The following SHF variants were observed in gnomAD, a reference collection of about 807,000 sequenced individuals.
SHF encodes the protein SH2 domain-containing adapter protein F.
A neutral mutation model predicts 42.4 loss-of-function variants in SHF; 30 were observed. The observed-to-expected ratio is 0.71, with a 90% CI of 0.53 to 0.96. The LOEUF (loss-of-function observed/expected upper bound fraction) is 0.96. SHF is among the 40% of genes least tolerant of loss of function. The pLI, the probability that SHF is intolerant of heterozygous loss-of-function variation, is 0.00. For missense variants in SHF, 598 were observed against 634.0 expected (o/e 0.94, Z 0.61); for synonymous variants, 264 against 269.9 (o/e 0.98, Z 0.21).
chr15:45,187,913 C>A lies in SHF; in HGVS notation c.39G>T (p.Pro13=). The A allele has an allele frequency of 8.7e-7, 1 of 1,155,126 alleles. No homozygotes were observed. The highest frequency in any genetic ancestry group is 1.1e-6 in the Non-Finnish European group (1 of 939,408). The allele number at this position is 1,155,126 out of a possible 1,614,324, so 71.6% of individuals were successfully genotyped here. Residue 13 remains proline (P), a synonymous_variant, in exon 1 of 7, where the codon CCG becomes CCT. Coordinates refer to ENST00000690270, the MANE Select transcript of SHF (RefSeq NM_001394037.1). ...LSGAPPAGSR[P]GPRTQGSAGG... ...CAGCGCTCCCCTGCGTTCGCGGCCC[C>A]GGGCGGGAGCCAGCCGGAGGAGCTC...
chr15:45,199,413 T>C (rs999009152), intron 1 of SHF, among the ~76,000 whole-genome samples: 1 of 152,224 alleles, frequency 6.6e-6, no homozygotes, highest in Admixed American at 6.5e-5. Context: ...GAAGGTGCCA[T>C]TGGCATTTAA....
At position 45,198,705 on chromosome 15, in the gene SHF, C is replaced by T. The variant is rs998080170; in HGVS notation, c.303+67G>A. 38 of 1,536,854 alleles carry T rather than the reference C, an allele frequency of 2.5e-5. 2 individuals are homozygous for T. The highest frequency in any genetic ancestry group is 2.4e-4 in the South Asian group (19 of 80,324). ...GCTACCGGGGACCCGTAGGGGTTGGCTTCTGATTATCCTCTTCAACAGTCA... is the reference window on the plus strand; with the variant it reads ...GCTACCGGGGACCCGTAGGGGTTGGTTTCTGATTATCCTCTTCAACAGTCA... On this transcript the variant is annotated intron_variant, in intron 2 of 7. Transcript: ENST00000290894.
chr15:45,185,218 A>G (rs1350331950), intron 1 of SHF, among the ~76,000 whole-genome samples: 1 of 152,254 alleles, frequency 6.6e-6, no homozygotes, highest in Admixed American at 6.5e-5. Flanking sequence ...ATCACATGTC[A>G]GGAGGAGACC....
intron 2 of SHF, chr15:45,198,523 G>A (rs930100209): frequency 1.9e-5 from 9 of 466,316 alleles, no homozygotes; most frequent in Non-Finnish European, 3.0e-5. Flanking sequence ...TTCGTTTCAA[G>A]AAAGTGAATT....
Position 45,172,132 on chromosome 15 carries a change from GAC to G in SHF, c.1160+13_1160+14del, listed in dbSNP as rs758815137. 1 of 1,613,888 alleles carries G rather than the reference GAC, an allele frequency of 6.2e-7. No homozygotes were observed. Among genetic ancestry groups the G allele is most frequent in the South Asian group, 1.1e-5 (1 of 91,072 alleles). ...GGAGTGGGGAGGGAGTCCCCAGCTG[GAC>G]ACAGACACTCACACCTGGTTTTCCA... On this transcript the variant is annotated intron_variant, in intron 5 of 6. Transcript: ENST00000690270.
chr15:45,187,703 C>T lies in SHF; in HGVS notation c.249G>A (p.Pro83=). 8.5e-7 allele frequency: 1 copy of T among 1,174,792 alleles called. No individual in the cohort carries two copies. Among genetic ancestry groups the T allele is most frequent in the Non-Finnish European group, 1.1e-6 (1 of 939,986 alleles). The allele number at this position is 1,174,792 out of a possible 1,614,324, so 72.8% of individuals were successfully genotyped here. A position where few individuals can be genotyped will look rare whatever the true frequency, so the allele number is the denominator to read the frequency against. ...EPDYRPPAPS[P]AAPPAPPPDI... ...CCGGGGGCGGCGCGGGGGGCGCGGC[C>T]GGAGAGGGCGCAGGGGGGCGGTAGT... is the stretch of plus-strand genomic sequence containing the variant. Residue 83 remains proline, a synonymous_variant, in exon 1 of 7, where the codon CCG becomes CCA. Transcript: ENST00000690270.
At chr15:45,199,141 G>GA (rs758588697) in intron 1 of SHF, 14 of 1,451,086 alleles carry the variant, frequency 9.6e-6, no homozygotes, top group Non-Finnish European at 7.3e-6. Context: ...GTTCCACGTA[G>GA]AAAAAAATTC....
intron 2 of SHF, chr15:45,198,719 C>T: frequency 6.4e-7 from 1 of 1,563,076 alleles, no homozygotes. Flanking sequence ...TGATTATCCT[C>T]TTCAACAGTC....
chr15:45,182,178 C>G (rs1474951483), intron 1 of SHF, among the ~76,000 whole-genome samples: 1 of 152,250 alleles, frequency 6.6e-6, no homozygotes, highest in Non-Finnish European at 1.5e-5. Flanking sequence ...CCCTGACCCC[C>G]ACCACGGGGC....
intron 1 of SHF, among the ~76,000 whole-genome samples, chr15:45,199,537 T>G (rs1648300): frequency 6.6e-6 from 1 of 152,074 alleles, no homozygotes; most frequent in Non-Finnish European, 1.5e-5. Flanking sequence ...TATTTTCACT[T>G]CTACCCTCCT....
At chr15:45,171,648 CACACA>C (rs990679708) in intron 6 of SHF, 9 of 570,488 alleles carry the variant, frequency 1.6e-5, no homozygotes, top group Non-Finnish European at 2.5e-5. Context: ...GGGGCCAGGC[CACACA>C]ACTAGAACAG....
upstream of SHF, chr15:45,188,035 G>A (rs1253762286): frequency 1.2e-5 from 5 of 403,808 alleles, no homozygotes; most frequent in Non-Finnish European, 1.9e-5. Context: ...GGCTCCGCCG[G>A]GCGGGGAGGG....
intron 1 of SHF, among the ~76,000 whole-genome samples, chr15:45,178,900 G>A (rs1287932940): frequency 1.3e-5 from 2 of 152,354 alleles, no homozygotes; most frequent in East Asian, 3.9e-4. Context: ...TGGCCAGGAG[G>A]AGGCTACTGG....
At chr15:45,190,188 G>C (rs1285119994), upstream of SHF, among the ~76,000 whole-genome samples, 1 of 152,210 alleles carries the variant, frequency 6.6e-6, no homozygotes, top group Non-Finnish European at 1.5e-5. Context: ...GGAGATACTG[G>C]AGAATCTGAT....
upstream of SHF, among the ~76,000 whole-genome samples, chr15:45,190,785 G>A (rs1330725855): frequency 2.0e-5 from 3 of 152,138 alleles, no homozygotes; most frequent in Non-Finnish European, 4.4e-5. Flanking sequence ...GGAAGAGTAG[G>A]AATAAAATAA....
chr15:45,194,101 CAAAAAAAAA>C lies in SHF; in HGVS notation c.303+4662_303+4670del, dbSNP rs56176160. 5.3e-5 allele frequency among the ~76,000 whole-genome samples: 4 copies of C among 75,600 alleles called. No individual in the cohort carries two copies. In the Admixed American group the frequency reaches 6.3e-4, roughly 12 times the overall value. 49.6% of individuals were successfully genotyped at this position (75,600 alleles called of 152,430 possible). A position where few individuals can be genotyped will look rare whatever the true frequency, so the allele number is the denominator to read the frequency against. On this transcript the variant is annotated intron_variant, in intron 2 of 7. Coordinates refer to the SHF transcript ENST00000290894. ...TGGGCAGCATAGTGAGAGTTTGTCTCAAAAAAAAAAAAAAAAAAAAAGGTAGGCAGCATT... is the reference window on the plus strand; with the variant it reads ...TGGGCAGCATAGTGAGAGTTTGTCTCAAAAAAAAAAAAGGTAGGCAGCATT...
exon 2 of SHF, chr15:45,198,792 C>G: frequency 6.2e-7 from 1 of 1,613,282 alleles, no homozygotes; most frequent in Non-Finnish European, 8.5e-7. Context: ...TCCAGCCTGT[C>G]CCTGAGTCTG....
intron 6 of SHF, chr15:45,170,792 C>A: frequency 4.6e-6 from 1 of 218,676 alleles, no homozygotes; most frequent in Non-Finnish European, 9.3e-6. Context: ...GCTGGCATTA[C>A]CAGTGCTCAC....
intron 2 of SHF, among the ~76,000 whole-genome samples, chr15:45,193,651 G>T (rs554669233): frequency 3.3e-5 from 5 of 152,296 alleles, no homozygotes; most frequent in African/African-American, 1.2e-4. Context: ...GGGCAAATTG[G>T]AGGAAAGTAT....
Sources: gnomAD v4.1 joint callset for allele counts (sites outside exome capture counted in the v4.1 genomes callset) on GRCh38, gnomAD v4.1.1 for gene constraint, MANE v1.5 for transcripts, NCBI Gene and HGNC (gene_info 2026-07-23, HGNC 2026-07-21) for gene names.